Variants in MINDY4 observed in about 807,000 individuals in gnomAD.
MINDY4 encodes probable ubiquitin carboxyl-terminal hydrolase MINDY-4.
A neutral mutation model predicts 87.0 loss-of-function variants in MINDY4; 68 were observed. The ratio of observed to expected loss-of-function variants is 0.78; its 90% CI spans 0.64 to 0.96. The LOEUF is 0.96. Among genes scored for constraint, MINDY4 ranks in the 40% least tolerant of loss-of-function variants. The pLI is 0.00. For synonymous variants in MINDY4, 379 were observed against 363.2 expected (o/e 1.04, Z -0.50); for missense variants, 919 against 928.2 (o/e 0.99, Z 0.13).
At chr7:30,801,018 G>C (rs1787633488) in intron 5 of MINDY4, among the ~76,000 whole-genome samples, 2 of 152,170 alleles carry the variant, frequency 1.3e-5, no homozygotes, top group Admixed American at 1.3e-4. Context: ...CAGGGGGAGA[G>C]AGACAAGTGC....
chr7:30,811,746 G>A (rs879692717), intron 5 of MINDY4, among the ~76,000 whole-genome samples: 12 of 152,160 alleles, frequency 7.9e-5, no homozygotes, highest in South Asian at 2.1e-4. Context: ...GTTCTGTTCC[G>A]TTCTAATTAC....
At chr7:30,867,803 G>A (rs531803858) in intron 13 of MINDY4, among the ~76,000 whole-genome samples, 4 of 152,340 alleles carry the variant, frequency 2.6e-5, no homozygotes, top group South Asian at 2.1e-4. Flanking sequence ...GTGGTCAGGT[G>A]GAGGGGGGAT....
intron 15 of MINDY4, among the ~76,000 whole-genome samples, chr7:30,880,698 G>T (rs573666613): frequency 1.4e-4 from 21 of 152,302 alleles, no homozygotes; most frequent in African/African-American, 5.1e-4. Flanking sequence ...GGCACGTCCA[G>T]CCACGTCCTG....
chr7:30,780,822 C>T (rs1361374697), intron 2 of MINDY4: 1 of 152,180 alleles, frequency 6.6e-6, no homozygotes, highest in Non-Finnish European at 1.5e-5. Context: ...GTCTCTCTTA[C>T]TGAGAGAAAA....
chr7:30,838,328 AGGT>A (rs1788925795), intron 7 of MINDY4, among the ~76,000 whole-genome samples: 1 of 152,074 alleles, frequency 6.6e-6, no homozygotes, highest in Admixed American at 6.5e-5. Flanking sequence ...CTGCCTTGAG[AGGT>A]GGTGGGAACC....
intron 6 of MINDY4, among the ~76,000 whole-genome samples, chr7:30,836,455 T>C (rs1438290383): frequency 2.0e-5 from 3 of 152,222 alleles, no homozygotes; most frequent in Non-Finnish European, 2.9e-5. Flanking sequence ...ACAAGGAGCA[T>C]GGACTCTCTT....
At chr7:30,781,939 A>C (rs984679881) in intron 2 of MINDY4, 38 bp from the exon 3 acceptor site, 2 of 1,422,380 alleles carry the variant, frequency 1.4e-6, no homozygotes, top group East Asian at 2.3e-5. Flanking sequence ...CTGAAGCTGT[A>C]TATAAATTAA....
At chr7:30,794,673 T>C (rs1787429629) in intron 5 of MINDY4, among the ~76,000 whole-genome samples, 1 of 152,326 alleles carries the variant, frequency 6.6e-6, no homozygotes, top group Admixed American at 6.5e-5. Flanking sequence ...CCCTTTGATA[T>C]CAAGAGATGC....
At position 30,791,030 on chromosome 7, in the gene MINDY4, T is replaced by C. The variant is rs1426430874; in HGVS notation, c.664-135T>C. 3 of 914,408 alleles carry C rather than the reference T, an allele frequency of 3.3e-6. No homozygotes were observed. In the African/African-American group the frequency reaches 5.0e-5, roughly 15 times the overall value. 56.6% of individuals were successfully genotyped at this position (914,408 alleles called of 1,614,324 possible). A position where few individuals can be genotyped will look rare whatever the true frequency, so the allele number is the denominator to read the frequency against. Reference sequence around the variant, plus strand: ...GCTCCTTAAATAATAGGCAAGATTTTAAGGGAAAGAGTCCGAGGTGGGAAA... The same window carrying C: ...GCTCCTTAAATAATAGGCAAGATTTCAAGGGAAAGAGTCCGAGGTGGGAAA... On this transcript the variant is annotated intron_variant, in intron 4 of 17. Transcript: ENST00000265299.
intron 17 of MINDY4, among the ~76,000 whole-genome samples, chr7:30,885,124 G>T (rs986275727): frequency 1.3e-5 from 2 of 152,220 alleles, no homozygotes; most frequent in Admixed American, 6.5e-5. Flanking sequence ...TTCTATTTGT[G>T]TAGCACACAG....
At chr7:30,834,497 T>C (rs1471030388) in intron 6 of MINDY4, among the ~76,000 whole-genome samples, 1 of 152,224 alleles carries the variant, frequency 6.6e-6, no homozygotes, top group Non-Finnish European at 1.5e-5. Context: ...CCTCCGGGTC[T>C]GTGATGGGAG....
intron 6 of MINDY4, among the ~76,000 whole-genome samples, chr7:30,834,491 C>T (rs10239192): frequency 0.17 from 25,922 of 152,164 alleles, 2,991 homozygotes; most frequent in East Asian, 0.4. Flanking sequence ...CCTAGGCCTC[C>T]GGGTCTGTGA....
At chr7:30,867,329 G>A (rs1197934470) in intron 13 of MINDY4, among the ~76,000 whole-genome samples, 1 of 152,180 alleles carries the variant, frequency 6.6e-6, no homozygotes, top group Non-Finnish European at 1.5e-5. Context: ...GGTTGAGATG[G>A]CAGGAATCAT....
chr7:30,877,960 G>A (rs765896113), intron 15 of MINDY4, among the ~76,000 whole-genome samples: 2 of 148,970 alleles, frequency 1.3e-5, no homozygotes, highest in African/African-American at 2.5e-5. Flanking sequence ...GGTTACAGGT[G>A]TGAGCCACTG....
chr7:30,808,575 A>T (rs928515418), intron 5 of MINDY4, among the ~76,000 whole-genome samples: 1 of 152,142 alleles, frequency 6.6e-6, no homozygotes, highest in Non-Finnish European at 1.5e-5. Context: ...ACTAGGAACT[A>T]TGCTGAAAAA....
In MINDY4 at chr7:30,812,771, AC is replaced by A. The variant is rs1380229729; in HGVS notation, c.1074-15903del. 5.3e-5 allele frequency among the ~76,000 whole-genome samples: 8 copies of A among 151,630 alleles called. No homozygotes were observed. In the East Asian group the frequency reaches 1.2e-3, roughly 22 times the overall value. On this transcript the variant is annotated intron_variant, in intron 5 of 17. Transcript: ENST00000265299. ...CACCCCCCTTTTCCAGACCAGTCTT[AC>A]CCCCTCTAACCAGCTGGGGCTGGAA...
At chr7:30,819,675 A>G (rs1562541646) in intron 5 of MINDY4, among the ~76,000 whole-genome samples, 1 of 152,114 alleles carries the variant, frequency 6.6e-6, no homozygotes, top group Non-Finnish European at 1.5e-5. Flanking sequence ...AGGAGCATAG[A>G]GTTTCATGAT....
At chr7:30,857,005 G>A (rs145747510) in intron 12 of MINDY4, among the ~76,000 whole-genome samples, 11 of 152,356 alleles carry the variant, frequency 7.2e-5, no homozygotes, top group South Asian at 4.1e-4. Context: ...ACTGAGGGCA[G>A]CATAAATGAA....
chr7:30,836,821 G>A, intron 7 of MINDY4, 57 bp downstream of exon 7: 1 of 1,323,654 alleles, frequency 7.6e-7, no homozygotes, highest in East Asian at 2.3e-5. Flanking sequence ...GATATAGATG[G>A]CGTGATTTTG....
Sources: allele counts gnomAD v4.1 joint callset (sites outside exome capture counted in the v4.1 genomes callset), GRCh38; gene constraint gnomAD v4.1.1; transcripts MANE v1.5; gene names NCBI Gene and HGNC (gene_info 2026-07-23, HGNC 2026-07-21).